The following AKAP9 variants were observed in gnomAD, a reference collection of about 807,000 sequenced individuals.
AKAP9 encodes A-kinase anchoring protein 9.
A neutral mutation model predicts 488.5 loss-of-function variants in AKAP9; 311 were observed. That is an observed-to-expected ratio of 0.64 (90% CI 0.58 to 0.70). The LOEUF (loss-of-function observed/expected upper bound fraction) is 0.70, where lower values mean the gene tolerates loss of function less well. Ranked by LOEUF, AKAP9 falls within the 30% of genes least tolerant of loss-of-function variation. AKAP9 has a pLI of 0.00. For synonymous variants in AKAP9, 1,462 were observed against 1,483.5 expected (o/e 0.99, Z 0.33); for missense variants, 4,215 against 4,374.5 (o/e 0.96, Z 1.03).
chr7:91,978,932 A>AT (rs34097770), intron 2 of AKAP9, among the ~76,000 whole-genome samples: 6,464 of 90,314 alleles, frequency 0.072, 317 homozygotes, highest in African/African-American at 0.16. Context: ...TAGTTTTTGT[A>AT]TTTTTTTTTT....
chr7:91,969,669 G>T lies in AKAP9; in HGVS notation c.49-4042G>T, dbSNP rs923820629. Among the ~76,000 whole-genome samples, 13 of 152,070 alleles carry T rather than the reference G, an allele frequency of 8.5e-5. No homozygotes were observed. The East Asian group carries it at 2.5e-3, about 29-fold the overall frequency. On this transcript the variant is annotated intron_variant, in intron 1 of 49. Transcript: ENST00000356239. ...TTATCATTATATAATGACCTTCTTT[G>T]TCTCTTTTTATAGTCTTGACTGGTA...
At chr7:92,074,008 A>G (rs1041500773) in intron 28 of AKAP9, among the ~76,000 whole-genome samples, 2 of 152,266 alleles carry the variant, frequency 1.3e-5, no homozygotes, top group East Asian at 1.9e-4. Context: ...ACAAAAGCCA[A>G]AATTGACAAA....
intron 23 of AKAP9, among the ~76,000 whole-genome samples, 197 bp downstream of exon 23, chr7:92,061,619 T>TATATATATAA (rs1487744272): frequency 2.9e-5 from 4 of 138,940 alleles, no homozygotes; most frequent in Non-Finnish European, 4.6e-5. Flanking sequence ...TATATATATA[T>TATATATATAA]AAAATTATAA....
intron 1 of AKAP9, among the ~76,000 whole-genome samples, chr7:91,960,523 C>T (rs1793598468): frequency 6.6e-6 from 1 of 152,078 alleles, no homozygotes; most frequent in Non-Finnish European, 1.5e-5. Flanking sequence ...TTGGTTTCCA[C>T]ATTCTTTCAA....
chr7:92,095,296 T>C (rs561769819), intron 40 of AKAP9, 123 bp downstream of exon 40: 1 of 1,090,584 alleles, frequency 9.2e-7, no homozygotes, highest in Non-Finnish European at 1.4e-6. Flanking sequence ...AGTTGTTCAC[T>C]GTGCATTGAA....
intron 49 of AKAP9, 143 bp downstream of exon 49, chr7:92,108,776 A>G: frequency 1.0e-6 from 1 of 988,000 alleles, no homozygotes; most frequent in Non-Finnish European, 1.6e-6. Context: ...GCCAAAGCTT[A>G]AACTCTTGTA....
rs557617898 is a variant in AKAP9, at chr7:92,075,227, A to G, written c.6613-1628A>G. Among the ~76,000 whole-genome samples the G allele has an allele frequency of 3.9e-5, 6 of 152,324 alleles. No homozygotes were observed. The South Asian group carries it at 1.2e-3, about 32-fold the overall frequency. On this transcript the variant is annotated intron_variant, in intron 28 of 49. Coordinates refer to ENST00000356239, the MANE Select transcript of AKAP9 (RefSeq NM_005751.5). ...TTCATGTCACAAAGTTAAGAAATTG[A>G]TCATAAACTGTTGTATAAAAAAAGG...
At chr7:91,946,551 T>G (rs764588068) in intron 1 of AKAP9, among the ~76,000 whole-genome samples, 15 of 152,080 alleles carry the variant, frequency 9.9e-5, no homozygotes, top group Non-Finnish European at 1.9e-4. Flanking sequence ...GTTAAAATTT[T>G]TTTGTAGAGA....
At chr7:92,071,971 A>AT (rs11374915) in intron 28 of AKAP9, among the ~76,000 whole-genome samples, 60,647 of 151,496 alleles carry the variant, frequency 0.4, 12,424 homozygotes, top group African/African-American at 0.46. Context: ...TTGACTTTTG[A>AT]TTTTTTTTAT....
intron 3 of AKAP9, among the ~76,000 whole-genome samples, 162 bp downstream of exon 3, chr7:91,980,495 C>CTTTTTTTTTTTTGTTTTTTTT (rs1796260471): frequency 2.1e-5 from 1 of 48,756 alleles, no homozygotes; most frequent in East Asian, 7.1e-4. Context: ...GTATTACTGA[C>CTTTTTTTTTTTTGTTTTTTTT]TTTTTTTTTT....
In AKAP9 at chr7:92,001,896, G is replaced by T. The variant is rs376021695; in HGVS notation, c.1979G>T (p.Gly660Val). The T allele has an allele frequency of 1.9e-6, 3 of 1,612,088 alleles. No individual in the cohort carries two copies. The African/African-American group carries it at 4.0e-5, about 22-fold the overall frequency. ...ATTGAAAAACTTAAAGATAATTTAG[G>T]CATTCACTATAAACAGCAGATAGAT... ...INIEKLKDNL[G>V]IHYKQQIDGL... The change falls in exon 8 of 50, where the codon GGC (glycine) becomes GTC (valine). Residue 660 changes from glycine to valine, a missense_variant. By Grantham distance (109) the Gly-to-Val change is moderately radical (BLOSUM62 -3). Transcript: ENST00000356239.
intron 1 of AKAP9, among the ~76,000 whole-genome samples, chr7:91,965,938 C>T (rs1411013575): frequency 2.0e-5 from 3 of 152,144 alleles, no homozygotes; most frequent in Non-Finnish European, 2.9e-5. Flanking sequence ...GTTGTTAACT[C>T]CCTGTCAGAT....
At position 91,972,907 on chromosome 7, in the gene AKAP9, G is replaced by GT. The variant is rs376283307; in HGVS notation, c.49-796dup. Among the ~76,000 whole-genome samples, 245 of 152,060 alleles carry GT rather than the reference G, an allele frequency of 1.6e-3. 5 individuals carry two copies. In the South Asian group the frequency reaches 0.038, roughly 24 times the overall value. ...CTGTTTGATATTTAAGTTATTTCCA[G>GT]TTTTTTTTCCCATTATGAATAAGGC... On this transcript the variant is annotated intron_variant, in intron 1 of 49. Coordinates refer to ENST00000356239, the MANE Select transcript of AKAP9 (RefSeq NM_005751.5).
Position 92,042,693 on chromosome 7 carries a change from T to C in AKAP9, c.5084T>C (p.Val1695Ala), listed in dbSNP as rs373792642. 1.9e-6 allele frequency: 3 copies of C among 1,611,260 alleles called. No homozygotes were observed. Among genetic ancestry groups the C allele is most frequent in the Non-Finnish European group, 1.7e-6 (2 of 1,178,304 alleles). Residue 1695 changes from valine (V) to alanine (A), a missense_variant, in exon 20 of 50, where the codon GTT becomes GCT. Coordinates refer to ENST00000356239, the MANE Select transcript of AKAP9 (RefSeq NM_005751.5). ...TQNGNENQGEVEEQTFKEKEL... is the reference protein window; with the variant it reads ...TQNGNENQGEAEEQTFKEKEL... ...AATGGAAATGAAAACCAAGGAGAAG[T>C]TGAAGAACAAACATTTAAAGAAAAG...
intron 21 of AKAP9, among the ~76,000 whole-genome samples, chr7:92,050,379 G>A (rs1021467802): frequency 2.6e-5 from 4 of 152,132 alleles, no homozygotes; most frequent in African/African-American, 9.7e-5. Flanking sequence ...ACAGGCATGA[G>A]CCACCGTGCC....
chr7:91,959,461 TTA>T (rs201764967), intron 1 of AKAP9, among the ~76,000 whole-genome samples: 43 of 42,634 alleles, frequency 1.0e-3, no homozygotes, highest in Admixed American at 5.2e-3. Flanking sequence ...CCTGGCTAAT[TTA>T]AAAAAAAAAA....
rs186981581 is a variant in AKAP9, at chr7:92,009,683, G to A, written c.3319-2746G>A. Among the ~76,000 whole-genome samples the A allele has an allele frequency of 1.3e-4, 20 of 152,260 alleles. No individual in the cohort carries two copies. In the East Asian group the frequency reaches 2.7e-3, roughly 21 times the overall value. On this transcript the variant is annotated intron_variant, in intron 8 of 49. Transcript: ENST00000356239. ...AATGAGACTGGTACAATATTGATACGAAGACCTGATAAGAACACTACAAAC... is the reference window on the plus strand; with the variant it reads ...AATGAGACTGGTACAATATTGATACAAAGACCTGATAAGAACACTACAAAC...
chr7:92,105,749 T>G lies in AKAP9; in HGVS notation c.11402T>G (p.Phe3801Cys). 1 of 1,614,022 alleles carries G rather than the reference T, an allele frequency of 6.2e-7. No individual in the cohort carries two copies. The highest frequency in any genetic ancestry group is 8.5e-7 in the Non-Finnish European group (1 of 1,179,852). The change falls in exon 47 of 50, where the codon TTT (phenylalanine) becomes TGT (cysteine). Residue 3801 changes from phenylalanine to cysteine, a missense_variant. Physicochemically the swap from Phe to Cys is radical, Grantham distance 205. Transcript: ENST00000356239. ...TCCATCAATATTAACAGAGATGGCTTTGGACTGAATCAAGGTGAAGTCAAA... is the reference window on the plus strand; with the variant it reads ...TCCATCAATATTAACAGAGATGGCTGTGGACTGAATCAAGGTGAAGTCAAA... ...SVSININRDG[F>C]GLNQGAEKTD...
At chr7:91,949,404 A>G (rs1012933760) in intron 1 of AKAP9, among the ~76,000 whole-genome samples, 2 of 152,118 alleles carry the variant, frequency 1.3e-5, no homozygotes, top group African/African-American at 2.4e-5. Context: ...ATTCCATTCC[A>G]TGAGCAGCTG....
Sources: gnomAD v4.1 joint callset for allele counts (sites outside exome capture counted in the v4.1 genomes callset) on GRCh38, gnomAD v4.1.1 for gene constraint, MANE v1.5 for transcripts, NCBI Gene and HGNC (gene_info 2026-07-23, HGNC 2026-07-21) for gene names.